Variants in DNAH8 observed in about 807,000 individuals in gnomAD.
DNAH8 encodes the protein axonemal beta dynein heavy chain 8.
Under a neutral mutation model 562.1 loss-of-function variants are expected in DNAH8, and 382 were observed. The ratio of observed to expected loss-of-function variants is 0.68; its 90% confidence interval spans 0.63 to 0.74. The LOEUF (loss-of-function observed/expected upper bound fraction) is 0.74, where lower values mean the gene tolerates loss of function less well. DNAH8 is among the 30% of genes least tolerant of loss of function. The probability of loss-of-function intolerance (pLI) is 0.00; values close to 1 mark genes in which losing one functional copy is unlikely to be tolerated. For synonymous variants in DNAH8, 1,881 were observed against 1,919.4 expected (o/e 0.98, Z 0.52); for missense variants, 5,203 against 5,620.4 (o/e 0.93, Z 2.37).
At chr6:38,780,088 A>C (rs1768436114) in intron 15 of DNAH8, 23 bp downstream of exon 15, 1 of 1,603,114 alleles carries the variant, frequency 6.2e-7, no homozygotes, top group Non-Finnish European at 8.5e-7. Context: ...TTTATAAATA[A>C]AATGGTACAT....
intron 60 of DNAH8, 98 bp downstream of exon 60, chr6:38,896,323 C>T (rs1327457555): frequency 3.9e-6 from 4 of 1,033,254 alleles, no homozygotes; most frequent in East Asian, 2.5e-5. Flanking sequence ...GCTATAATTC[C>T]AGCACTTTGG....
chr6:38,811,586 T>A (rs1771799020), intron 24 of DNAH8, among the ~76,000 whole-genome samples: 2 of 152,232 alleles, frequency 1.3e-5, no homozygotes, highest in Admixed American at 6.5e-5. Flanking sequence ...GCAAATTTTT[T>A]ATTTTTTTGG....
chr6:38,750,665 T>C, intron 9 of DNAH8, 76 bp downstream of exon 9: 1 of 908,726 alleles, frequency 1.1e-6, no homozygotes, highest in Non-Finnish European at 1.7e-6. Flanking sequence ...CTCAGAAGGC[T>C]GAGGTGGAAG....
chr6:38,868,254 G>C, intron 48 of DNAH8, 58 bp downstream of exon 48: 1 of 1,514,334 alleles, frequency 6.6e-7, no homozygotes. Flanking sequence ...TTTCTATTTG[G>C]TGGACAAGTA....
At position 38,866,625 on chromosome 6, in the gene DNAH8, A is replaced by C; in HGVS notation, c.6533A>C (p.Glu2178Ala). ...TATGCTGGGCGCCAGGAACTACCAG[A>C]AAACCTAAAAATCCAGTTTAGAACT... Reference protein sequence around the residue: ...PGYAGRQELPENLKIQFRTVA... With the variant: ...PGYAGRQELPANLKIQFRTVA... The change falls in exon 46 of 93, where the codon GAA (glutamate) becomes GCA (alanine). Residue 2178 changes from glutamate to alanine, a missense_variant. Coordinates refer to ENST00000327475, the MANE Select transcript of DNAH8 (RefSeq NM_001206927.2). 1 of 1,612,482 alleles carries C rather than the reference A, an allele frequency of 6.2e-7. No individual in the cohort carries two copies. The highest frequency in any genetic ancestry group is 8.5e-7 in the Non-Finnish European group (1 of 1,179,544).
chr6:39,021,224 A>G (rs1313020519), intron 91 of DNAH8, among the ~76,000 whole-genome samples: 5 of 152,220 alleles, frequency 3.3e-5, no homozygotes, highest in African/African-American at 1.2e-4. Context: ...GCTACCCAGT[A>G]TGTGGTCCAC....
chr6:38,824,933 A>G (rs1015284999), intron 28 of DNAH8, among the ~76,000 whole-genome samples: 9 of 152,192 alleles, frequency 5.9e-5, no homozygotes, highest in African/African-American at 1.7e-4. Flanking sequence ...CAATAATTAC[A>G]AGAACTTCTG....
chr6:38,809,384 G>A (rs1771592029), intron 24 of DNAH8, among the ~76,000 whole-genome samples: 3 of 152,008 alleles, frequency 2.0e-5, no homozygotes, highest in Admixed American at 1.3e-4. Flanking sequence ...TTATATTTAG[G>A]GTTTTAATTT....
chr6:38,893,820 C>T (rs766954736), intron 58 of DNAH8, among the ~76,000 whole-genome samples: 3 of 152,192 alleles, frequency 2.0e-5, no homozygotes, highest in South Asian at 2.1e-4. Context: ...CTGAAATAGG[C>T]GTATGGGGTG....
At chr6:38,955,781 C>A (rs1316960033) in intron 82 of DNAH8, among the ~76,000 whole-genome samples, 3 of 152,198 alleles carry the variant, frequency 2.0e-5, no homozygotes, top group African/African-American at 7.2e-5. Flanking sequence ...CATCTACAGA[C>A]AAAGTCTCTC....
intron 12 of DNAH8, among the ~76,000 whole-genome samples, chr6:38,770,922 C>T (rs1004479230): frequency 1.3e-5 from 2 of 152,100 alleles, no homozygotes; most frequent in Admixed American, 1.3e-4. Context: ...GTGGAATCTC[C>T]GGATGTATAA....
At chr6:38,903,631 GAGA>G (rs1255840056) in intron 62 of DNAH8, among the ~76,000 whole-genome samples, 29 of 41,490 alleles carry the variant, frequency 7.0e-4, no homozygotes, top group African/African-American at 2.3e-3. Flanking sequence ...TTTTTTTTTT[GAGA>G]AGGAGTCTCA....
At chr6:38,862,835 C>A (rs1156542804) in intron 44 of DNAH8, among the ~76,000 whole-genome samples, 1 of 152,088 alleles carries the variant, frequency 6.6e-6, no homozygotes, top group East Asian at 1.9e-4. Context: ...AAGGGGGTGG[C>A]CATCAGCAGA....
In DNAH8 at chr6:38,970,706, C is replaced by T. The variant is rs977735126; in HGVS notation, c.12452-886C>T. Among the ~76,000 whole-genome samples the T allele has an allele frequency of 2.4e-4, 37 of 152,322 alleles. 1 individual carries two copies. The highest frequency in any genetic ancestry group is 4.6e-4 in the Admixed American group (7 of 15,310). On this transcript the variant is annotated intron_variant, in intron 82 of 92. Transcript: ENST00000327475. ...AGTCTCTACCAGCAGTTACCATAAA[C>T]ACACACTGGTTCACAATGTCTCCAT... is the stretch of plus-strand genomic sequence containing the variant.
chr6:38,803,618 G>C (rs1318923832), intron 22 of DNAH8, among the ~76,000 whole-genome samples: 2 of 148,286 alleles, frequency 1.3e-5, no homozygotes, highest in African/African-American at 5.0e-5. Flanking sequence ...TTTTTTTCTG[G>C]TGCAGCATTC....
chr6:38,930,785 G>A (rs1481758225), intron 75 of DNAH8, among the ~76,000 whole-genome samples: 2 of 152,156 alleles, frequency 1.3e-5, no homozygotes, highest in Non-Finnish European at 2.9e-5. Context: ...CATATACGTT[G>A]TATAATGATT....
In DNAH8 at chr6:38,887,021, C is replaced by A; in HGVS notation, c.8473+17C>A. Reference sequence around the variant, plus strand: ...AAATTTTTGGTATGAATATTCTTAGCGTTTATTTTATTGCATTACATAATG... The same window carrying A: ...AAATTTTTGGTATGAATATTCTTAGAGTTTATTTTATTGCATTACATAATG... On this transcript the variant is annotated intron_variant, in intron 57 of 92. Coordinates refer to ENST00000327475, the MANE Select transcript of DNAH8 (RefSeq NM_001206927.2). The A allele has an allele frequency of 4.6e-6, 7 of 1,534,674 alleles. No homozygotes were observed. The highest frequency in any genetic ancestry group is 2.3e-5 in the East Asian group (1 of 44,322).
intron 3 of DNAH8, among the ~76,000 whole-genome samples, chr6:38,728,810 C>T (rs1051504193): frequency 1.3e-5 from 2 of 152,124 alleles, no homozygotes; most frequent in African/African-American, 4.8e-5. Context: ...TTAAAAAGCC[C>T]TCTATGTGAT....
At position 38,873,064 on chromosome 6, in the gene DNAH8, G is replaced by C. The variant is rs1430752700; in HGVS notation, c.7396G>C (p.Glu2466Gln). The part of the protein sequence containing the change: ...CKLLFEVHNI[E>Q]NASPATVSRM... ...GCTTCTGTTTGAAGTCCACAATATC[G>C]AGAACGCCTCTCCTGCCACGGTTTC... Residue 2466 changes from glutamate to glutamine, a missense_variant, in exon 51 of 93, where the codon GAG (glutamate) becomes CAG (glutamine). This residue lies in a region of DNAH8 where 977 missense variants were observed against 1,061.8 expected (regional missense o/e 0.92). Transcript: ENST00000327475. 1.9e-6 allele frequency: 3 copies of C among 1,614,028 alleles called. No individual in the cohort carries two copies. The highest frequency in any genetic ancestry group is 2.5e-6 in the Non-Finnish European group (3 of 1,179,976).
Sources: allele counts gnomAD v4.1 joint callset (sites outside exome capture counted in the v4.1 genomes callset), GRCh38; gene constraint gnomAD v4.1.1; regional missense constraint gnomAD v4.1.1; transcripts MANE v1.5; gene names NCBI Gene and HGNC (gene_info 2026-07-23, HGNC 2026-07-21).